Variants in TTBK2 observed in about 807,000 individuals in gnomAD.
The protein encoded by TTBK2 is tau-tubulin kinase 2.
In TTBK2, 28 loss-of-function variants were observed where a neutral mutation model predicts 110.8. The ratio of observed to expected loss-of-function variants is 0.25; its 90% CI spans 0.19 to 0.35. The LOEUF (loss-of-function observed/expected upper bound fraction) is 0.35, where lower values mean the gene tolerates loss of function less well. Among genes scored for constraint, TTBK2 ranks in the 10% least tolerant of loss-of-function variants. The probability of loss-of-function intolerance (pLI) is 1.00; values close to 1 mark genes in which losing one functional copy is unlikely to be tolerated. For missense variants in TTBK2, 1,369 were observed against 1,500.3 expected (o/e 0.91, Z 1.45); for synonymous variants, 532 against 527.3 (o/e 1.01, Z -0.12).
intron 14 of TTBK2, among the ~76,000 whole-genome samples, chr15:42,747,465 G>A (rs191134854): frequency 1.7e-3 from 253 of 152,310 alleles, no homozygotes; most frequent in Non-Finnish European, 3.1e-3. Context: ...ACGATGGGGG[G>A]AGGAGGGGCA....
upstream of TTBK2, chr15:42,920,848 T>G (rs115507310): frequency 0.011 from 1,744 of 153,146 alleles, 28 homozygotes; most frequent in African/African-American, 0.039. Context: ...CCACCTGCCC[T>G]GCCAGCGCGC....
In TTBK2 at chr15:42,746,093, A is replaced by C; in HGVS notation, c.3437T>G (p.Val1146Gly). 1.2e-6 allele frequency: 2 copies of C among 1,614,084 alleles called. No individual in the cohort carries two copies. Among genetic ancestry groups the C allele is most frequent in the Non-Finnish European group, 1.7e-6 (2 of 1,180,010 alleles). ...NPKTPPKSPV[V>G]PRRSPSASPR... is the part of the protein sequence containing the mutation. Reference sequence around the variant, plus strand: ...AGAGGCACTGGGACTCCTGCGAGGGACAACTGGACTCTTGGGTGGTGTTTT... The same window carrying C: ...AGAGGCACTGGGACTCCTGCGAGGGCCAACTGGACTCTTGGGTGGTGTTTT... Residue 1146 changes from valine (V) to glycine (G), a missense_variant, in exon 15 of 15, where the codon GTC becomes GGC. This residue lies in a region of TTBK2 where 1,097 missense variants were observed against 1,114.7 expected (regional missense o/e 0.98). Transcript: ENST00000267890.
intron 1 of TTBK2, among the ~76,000 whole-genome samples, chr15:42,910,125 C>T (rs77641540): frequency 0.046 from 6,932 of 152,192 alleles, 221 homozygotes; most frequent in Middle Eastern, 0.12. Flanking sequence ...TTTATATACA[C>T]CATGATTAAT....
At chr15:42,756,911 C>A (rs1403901019) in intron 13 of TTBK2, among the ~76,000 whole-genome samples, 1 of 151,674 alleles carries the variant, frequency 6.6e-6, no homozygotes, top group African/African-American at 2.4e-5. Context: ...AAAGCAACAA[C>A]AATAAAAATA....
At chr15:42,815,931 A>AAT (rs1291134154) in intron 7 of TTBK2, among the ~76,000 whole-genome samples, 4,660 of 50,144 alleles carry the variant, frequency 0.093, 412 homozygotes, top group African/African-American at 0.32. Context: ...TATATTTAAA[A>AAT]ATATATATAT....
rs1460015884 is a variant in TTBK2 at position 42,775,360 on chromosome 15, T to C, written c.1773A>G (p.Ala591=). 5 of 1,614,254 alleles carry C rather than the reference T, an allele frequency of 3.1e-6. No homozygotes were observed. The highest frequency in any genetic ancestry group is 1.1e-5 in the South Asian group (1 of 91,088). Residue 591 remains alanine (A), a synonymous_variant, in exon 13 of 15, where the codon GCA becomes GCG. Transcript: ENST00000267890. ...EEPEVLQVLE[A]SPQDEKLQLG... ...ACTGGAGCTTTTCATCTTGAGGTGA[T>C]GCCTCCAGGACTTGAAGTACTTCAG...
At chr15:42,848,792 G>C (rs1893575639) in intron 3 of TTBK2, among the ~76,000 whole-genome samples, 1 of 152,126 alleles carries the variant, frequency 6.6e-6, no homozygotes, top group Non-Finnish European at 1.5e-5. Flanking sequence ...GCCCAGCCCA[G>C]ATCTGGCATA....
intron 3 of TTBK2, among the ~76,000 whole-genome samples, chr15:42,868,239 C>A (rs965364003): frequency 2.0e-5 from 3 of 152,062 alleles, no homozygotes; most frequent in Non-Finnish European, 2.9e-5. Flanking sequence ...AGGACATAAC[C>A]CCATCATAAG....
At chr15:42,800,581 T>A (rs923984579) in intron 9 of TTBK2, among the ~76,000 whole-genome samples, 1 of 152,154 alleles carries the variant, frequency 6.6e-6, no homozygotes, top group Non-Finnish European at 1.5e-5. Context: ...AATGGAAAAT[T>A]AGTGGATCAA....
rs750869234 is a variant in TTBK2, at chr15:42,752,370, G to A, written c.2876C>T (p.Ser959Phe). 1.2e-6 allele frequency: 2 copies of A among 1,614,166 alleles called. No homozygotes were observed. The highest frequency in any genetic ancestry group is 1.7e-6 in the Non-Finnish European group (2 of 1,180,034). The stretch of plus-strand genomic sequence containing the variant: ...CTTTTCTTTTGCAGAAACTGGAGAG[G>A]ATGATTCCAAAGTTGAGTCTATCTC... ...AQEIDSTLES[S>F]SPVSAKEKLL... is the part of the protein sequence containing the mutation. Residue 959 changes from serine to phenylalanine, a missense_variant, in exon 14 of 15, where the codon TCC becomes TTC. Ser to Phe is a radical substitution (Grantham distance 155). Around this residue, in one of 4 missense-constraint regions of TTBK2, gnomAD observed 1,097 missense variants for 1,114.7 expected, o/e 0.98. Transcript: ENST00000267890.
At chr15:42,810,807 G>C in intron 8 of TTBK2, 68 bp from the exon 9 acceptor site, 1 of 1,581,234 alleles carries the variant, frequency 6.3e-7, no homozygotes, top group Non-Finnish European at 8.7e-7. Flanking sequence ...GAGCCCCTCA[G>C]TAACCGTCTC....
rs888138929 is a variant in TTBK2, at chr15:42,836,155, GA to G, written c.291+4204del. Among the ~76,000 whole-genome samples the G allele has an allele frequency of 2.6e-4, 38 of 147,578 alleles. 1 individual carries two copies. The highest frequency in any genetic ancestry group is 1.8e-3 in the Admixed American group (27 of 14,828). On this transcript the variant is annotated intron_variant, in intron 4 of 14. Coordinates refer to ENST00000267890, the MANE Select transcript of TTBK2 (RefSeq NM_173500.4). Reference sequence around the variant, plus strand: ...GCTAAGGTCTTGTAAGGGGAATTCAGAAAAAAAAAATGTGTACAACTGCTTG... The same window carrying G: ...GCTAAGGTCTTGTAAGGGGAATTCAGAAAAAAAAATGTGTACAACTGCTTG...
At chr15:42,779,853 G>T (rs1890104880) in intron 11 of TTBK2, among the ~76,000 whole-genome samples, 1 of 151,936 alleles carries the variant, frequency 6.6e-6, no homozygotes, top group East Asian at 1.9e-4. Flanking sequence ...GTGGTGGCAC[G>T]TGCCTGTACT....
intron 13 of TTBK2, among the ~76,000 whole-genome samples, chr15:42,755,070 C>T (rs1045246513): frequency 1.8e-4 from 27 of 150,190 alleles, no homozygotes; most frequent in Admixed American, 4.6e-4. Flanking sequence ...ACCCCCCTTC[C>T]ACTGAGGTAA....
At chr15:42,877,515 G>T (rs899299656) in intron 2 of TTBK2, among the ~76,000 whole-genome samples, 3 of 152,094 alleles carry the variant, frequency 2.0e-5, no homozygotes, top group African/African-American at 7.2e-5. Flanking sequence ...CAATAAAGAG[G>T]AAGGAACCTA....
At chr15:42,870,223 T>C (rs1005379600) in intron 3 of TTBK2, among the ~76,000 whole-genome samples, 2 of 152,066 alleles carry the variant, frequency 1.3e-5, no homozygotes, top group African/African-American at 2.4e-5. Context: ...GCTTGATTCA[T>C]TAGAGAATTG....
At chr15:42,869,670 A>G (rs776038111) in intron 3 of TTBK2, among the ~76,000 whole-genome samples, 1 of 152,146 alleles carries the variant, frequency 6.6e-6, no homozygotes, top group Non-Finnish European at 1.5e-5. Flanking sequence ...GAGGGCGAAG[A>G]GACACACATA....
chr15:42,762,569 T>C (rs996257229), intron 13 of TTBK2, among the ~76,000 whole-genome samples: 8 of 151,998 alleles, frequency 5.3e-5, no homozygotes, highest in African/African-American at 1.2e-4. Context: ...ATACAAAAAT[T>C]AGCCAGGCAT....
intron 3 of TTBK2, among the ~76,000 whole-genome samples, chr15:42,852,231 G>A (rs185389981): frequency 6.6e-6 from 1 of 152,026 alleles, no homozygotes; most frequent in South Asian, 2.1e-4. Flanking sequence ...ACCGGGCCCA[G>A]CTAATTTTTG....
Sources: allele counts gnomAD v4.1 joint callset (sites outside exome capture counted in the v4.1 genomes callset), GRCh38; gene constraint gnomAD v4.1.1; regional missense constraint gnomAD v4.1.1; transcripts MANE v1.5; gene names NCBI Gene and HGNC (gene_info 2026-07-23, HGNC 2026-07-21).